Variants in NFATC3 observed in about 807,000 individuals in gnomAD.
NFATC3 encodes nuclear factor of activated T cells 3.
In NFATC3, 46 loss-of-function variants were observed where a neutral mutation model predicts 98.6. The ratio of observed to expected loss-of-function variants is 0.47; its 90% CI spans 0.37 to 0.60. The LOEUF is 0.60. Among genes scored for constraint, NFATC3 ranks in the 20% least tolerant of loss-of-function variants. The probability of loss-of-function intolerance (pLI) is 0.00; values close to 1 mark genes in which losing one functional copy is unlikely to be tolerated. For synonymous variants in NFATC3, 512 were observed against 472.2 expected (o/e 1.08, Z -1.09); for missense variants, 1,256 against 1,295.5 (o/e 0.97, Z 0.47).
chr16:68,111,078 T>A (rs546793958), intron 1 of NFATC3, among the ~76,000 whole-genome samples: 23 of 152,358 alleles, frequency 1.5e-4, no homozygotes, highest in African/African-American at 5.5e-4. Flanking sequence ...AAGTATGTGA[T>A]CGAATCTAGA....
chr16:68,221,568 C>T, intron 9 of NFATC3: 1 of 1,116,954 alleles, frequency 9.0e-7, no homozygotes, highest in Non-Finnish European at 1.1e-6. Flanking sequence ...ACTAGGGATT[C>T]AGGGGAAAAC....
chr16:68,221,707 T>C lies in NFATC3; in HGVS notation c.3107-4643T>C, dbSNP rs192041053. 1.0e-4 allele frequency: 62 copies of C among 615,858 alleles called. No homozygotes were observed. The African/African-American group carries it at 1.1e-3, about 11-fold the overall frequency. 38.1% of individuals were successfully genotyped at this position (615,858 alleles called of 1,614,324 possible). A position where few individuals can be genotyped will look rare whatever the true frequency, so the allele number is the denominator to read the frequency against. ...CTTGAGCACTACTTTGTGGAAAATC[T>C]TCTGACTTTAACATAGTCTTAAAAT... On this transcript the variant is annotated intron_variant, in intron 9 of 9. Coordinates refer to ENST00000346183, the MANE Select transcript of NFATC3 (RefSeq NM_173165.3).
intron 1 of NFATC3, among the ~76,000 whole-genome samples, chr16:68,114,006 C>G (rs537755308): frequency 2.1e-4 from 32 of 152,288 alleles, no homozygotes; most frequent in African/African-American, 7.5e-4. Flanking sequence ...TAGGCAGTGT[C>G]CAGCCTGCTG....
chr16:68,110,933 G>C (rs1339489812), intron 1 of NFATC3, among the ~76,000 whole-genome samples: 1 of 152,182 alleles, frequency 6.6e-6, no homozygotes, highest in Non-Finnish European at 1.5e-5. Flanking sequence ...TTCAGGGGCA[G>C]GTTGTTCAAT....
intron 1 of NFATC3, among the ~76,000 whole-genome samples, chr16:68,121,378 T>A (rs1197176907): frequency 1.3e-5 from 2 of 151,240 alleles, no homozygotes; most frequent in African/African-American, 2.4e-5. Flanking sequence ...TTTTTTTTTT[T>A]AATAAACACA....
intron 9 of NFATC3, among the ~76,000 whole-genome samples, chr16:68,196,093 G>A (rs1163737791): frequency 6.6e-6 from 1 of 151,916 alleles, no homozygotes; most frequent in African/African-American, 2.4e-5. Context: ...TTGAATTTTT[G>A]ATGCTTAATT....
At chr16:68,150,091 TAAAG>T (rs2038234694) in intron 3 of NFATC3, among the ~76,000 whole-genome samples, 1 of 152,198 alleles carries the variant, frequency 6.6e-6, no homozygotes, top group Non-Finnish European at 1.5e-5. Flanking sequence ...TGAATTATAA[TAAAG>T]AATCTTGCCC....
At chr16:68,146,231 T>G (rs916393363) in intron 3 of NFATC3, among the ~76,000 whole-genome samples, 1 of 152,058 alleles carries the variant, frequency 6.6e-6, no homozygotes, top group Admixed American at 6.6e-5. Context: ...TACATATACA[T>G]ACTATTTTTG....
At position 68,190,826 on chromosome 16, in the gene NFATC3, T is replaced by C; in HGVS notation, c.2157T>C (p.Pro719=). ...EIDLSSVPSL[P]VPHPAQTQRP... ...ATTTGTCTTCAGTTCCATCTTTGCCTGTGCCTCATCCTGCTCAGACCCAGA... is the reference window on the plus strand; with the variant it reads ...ATTTGTCTTCAGTTCCATCTTTGCCCGTGCCTCATCCTGCTCAGACCCAGA... The change falls in exon 9 of 10, where the codon CCT becomes CCC. Residue 719 remains proline (P), a synonymous_variant. Coordinates refer to ENST00000346183, the MANE Select transcript of NFATC3 (RefSeq NM_173165.3). 1 of 1,613,992 alleles carries C rather than the reference T, an allele frequency of 6.2e-7. No individual in the cohort carries two copies. The highest frequency in any genetic ancestry group is 8.5e-7 in the Non-Finnish European group (1 of 1,179,864).
chr16:68,198,950 A>T (rs1336368655), intron 9 of NFATC3, among the ~76,000 whole-genome samples: 3 of 152,106 alleles, frequency 2.0e-5, no homozygotes, highest in Admixed American at 6.6e-5. Flanking sequence ...CAGGAGTCTG[A>T]GGCAGGGGAA....
At chr16:68,109,755 C>T (rs1318092379) in intron 1 of NFATC3, among the ~76,000 whole-genome samples, 1 of 152,062 alleles carries the variant, frequency 6.6e-6, no homozygotes, top group East Asian at 1.9e-4. Flanking sequence ...TTTCATAACT[C>T]ATTATTGGTC....
chr16:68,106,414 C>T (rs940318639), intron 1 of NFATC3, among the ~76,000 whole-genome samples: 1 of 151,920 alleles, frequency 6.6e-6, no homozygotes, highest in Non-Finnish European at 1.5e-5. Context: ...GCCTCAGCCT[C>T]CCGACTAGCT....
intron 1 of NFATC3, chr16:68,089,091 A>T (rs1224691739): frequency 2.0e-6 from 2 of 985,368 alleles, no homozygotes; most frequent in Non-Finnish European, 2.4e-6. Flanking sequence ...AGTTCCATAA[A>T]TTAGATCTTG....
intron 1 of NFATC3, among the ~76,000 whole-genome samples, chr16:68,091,766 GT>G (rs1384902538): frequency 6.6e-6 from 1 of 152,176 alleles, no homozygotes; most frequent in Non-Finnish European, 1.5e-5. Context: ...TAAGGAAGGT[GT>G]TGTGTAAAGC....
intron 1 of NFATC3, among the ~76,000 whole-genome samples, chr16:68,116,814 T>G (rs1236059860): frequency 6.6e-6 from 1 of 152,164 alleles, no homozygotes; most frequent in African/African-American, 2.4e-5. Flanking sequence ...CCTTTTTTTT[T>G]TTTCTCAAAG....
intron 4 of NFATC3, among the ~76,000 whole-genome samples, chr16:68,163,491 G>A (rs2039005709): frequency 6.6e-6 from 1 of 151,574 alleles, no homozygotes; most frequent in South Asian, 2.1e-4. Context: ...GCTGGGCGGG[G>A]GGCTGACCCC....
chr16:68,109,551 T>C (rs992443703), intron 1 of NFATC3, among the ~76,000 whole-genome samples: 5 of 152,200 alleles, frequency 3.3e-5, no homozygotes, highest in African/African-American at 1.2e-4. Flanking sequence ...TTGTTATATC[T>C]CTTTCAGGTT....
At position 68,121,978 on chromosome 16, in the gene NFATC3, T is replaced by C; in HGVS notation, c.104-9T>C. Reference sequence around the variant, plus strand: ...TTGGGTTTTTTTTTTTTTGCCTTCCTCCCCGTAGATCTTGAGCCAGATGAT... The same window carrying C: ...TTGGGTTTTTTTTTTTTTGCCTTCCCCCCCGTAGATCTTGAGCCAGATGAT... On this transcript the variant is annotated splice_polypyrimidine_tract_variant and intron_variant, in intron 1 of 9. Coordinates refer to ENST00000346183, the MANE Select transcript of NFATC3 (RefSeq NM_173165.3). The C allele has an allele frequency of 2.0e-6, 3 of 1,537,428 alleles. No individual in the cohort carries two copies. The highest frequency in any genetic ancestry group is 1.7e-6 in the Non-Finnish European group (2 of 1,145,652).
At chr16:68,136,332 A>G (rs1037731352) in intron 3 of NFATC3, among the ~76,000 whole-genome samples, 7 of 151,970 alleles carry the variant, frequency 4.6e-5, no homozygotes, top group African/African-American at 1.7e-4. Context: ...CAGTAGTGCA[A>G]TGTCAGCTCG....
Sources: allele counts gnomAD v4.1 joint callset (sites outside exome capture counted in the v4.1 genomes callset), GRCh38; gene constraint gnomAD v4.1.1; transcripts MANE v1.5; gene names NCBI Gene and HGNC (gene_info 2026-07-23, HGNC 2026-07-21).